Variants in LRRTM4 observed in about 807,000 individuals in gnomAD.
LRRTM4 encodes the protein leucine-rich repeat transmembrane neuronal protein 4.
In LRRTM4, 25 loss-of-function variants were observed where a neutral mutation model predicts 47.6. The observed-to-expected ratio is 0.53, with a 90% CI of 0.38 to 0.73. LRRTM4 has a LOEUF of 0.73. LRRTM4 is among the 30% of genes least tolerant of loss of function. The pLI, the probability that LRRTM4 is intolerant of heterozygous loss-of-function variation, is 0.00. For synonymous variants in LRRTM4, 311 were observed against 269.5 expected (o/e 1.15, Z -1.51); for missense variants, 638 against 713.4 (o/e 0.89, Z 1.20).
chr2:77,503,282 G>C (rs1052666413), intron 3 of LRRTM4, among the ~76,000 whole-genome samples: 1 of 151,628 alleles, frequency 6.6e-6, no homozygotes, highest in Non-Finnish European at 1.5e-5. Context: ...ATTTATTTAG[G>C]AGGTAAAATC....
intron 3 of LRRTM4, among the ~76,000 whole-genome samples, chr2:77,494,654 T>C (rs1678293824): frequency 6.6e-6 from 1 of 152,102 alleles, no homozygotes; most frequent in African/African-American, 2.4e-5. Flanking sequence ...GGAATTATAA[T>C]TGATGTAGAA....
chr2:77,123,227 G>GAGAGAA (rs1238481997), intron 3 of LRRTM4, among the ~76,000 whole-genome samples: 3 of 151,782 alleles, frequency 2.0e-5, no homozygotes, highest in Admixed American at 6.6e-5. Context: ...GAGAGAGAGA[G>GAGAGAA]AGAGAGAGAG....
intron 3 of LRRTM4, among the ~76,000 whole-genome samples, chr2:77,246,881 A>G (rs1370990080): frequency 6.6e-6 from 1 of 152,010 alleles, no homozygotes; most frequent in Non-Finnish European, 1.5e-5. Context: ...TTATTTTTCC[A>G]TTGTTTTATC....
chr2:77,396,288 T>A (rs1673699072), intron 3 of LRRTM4, among the ~76,000 whole-genome samples: 1 of 151,890 alleles, frequency 6.6e-6, no homozygotes, highest in Non-Finnish European at 1.5e-5. Context: ...AAGAAAGTAA[T>A]CTCCACCACC....
intron 3 of LRRTM4, among the ~76,000 whole-genome samples, chr2:77,348,705 G>A (rs1389020989): frequency 1.3e-5 from 2 of 149,766 alleles, no homozygotes; most frequent in Admixed American, 6.7e-5. Context: ...TATTTTAAAT[G>A]AACACAAATA....
At chr2:76,824,949 C>T (rs1469493878) in intron 3 of LRRTM4, among the ~76,000 whole-genome samples, 2 of 151,462 alleles carry the variant, frequency 1.3e-5, no homozygotes, top group Admixed American at 1.3e-4. Flanking sequence ...TCAAATGTAC[C>T]AAATTCTTCC....
intron 3 of LRRTM4, among the ~76,000 whole-genome samples, chr2:77,257,319 A>AC (rs1276330151): frequency 1.3e-5 from 2 of 151,972 alleles, no homozygotes; most frequent in African/African-American, 4.8e-5. Flanking sequence ...CAAAAAAAAA[A>AC]CCCTCTAGAA....
intron 3 of LRRTM4, among the ~76,000 whole-genome samples, chr2:77,339,348 T>A (rs1671284166): frequency 6.6e-6 from 1 of 152,084 alleles, no homozygotes; most frequent in African/African-American, 2.4e-5. Context: ...ATACTTTAAA[T>A]ATAATTTATA....
At chr2:76,793,661 G>T (rs2103726609) in intron 3 of LRRTM4, among the ~76,000 whole-genome samples, 1 of 152,176 alleles carries the variant, frequency 6.6e-6, no homozygotes, top group Admixed American at 6.5e-5. Context: ...CACAGGATAT[G>T]GTAGATGAAG....
chr2:77,186,203 C>T (rs1232414741), intron 3 of LRRTM4, among the ~76,000 whole-genome samples: 2 of 152,154 alleles, frequency 1.3e-5, no homozygotes, highest in Non-Finnish European at 2.9e-5. Flanking sequence ...CAAGTCTGTG[C>T]CCCTGAGATG....
At chr2:76,816,052 T>G (rs1326332804) in intron 3 of LRRTM4, among the ~76,000 whole-genome samples, 3 of 152,054 alleles carry the variant, frequency 2.0e-5, no homozygotes, top group African/African-American at 7.2e-5. Context: ...CCTCCCAGAT[T>G]AGCAGATACA....
chr2:77,483,363 G>T (rs757076285), intron 3 of LRRTM4, among the ~76,000 whole-genome samples: 2 of 151,988 alleles, frequency 1.3e-5, no homozygotes, highest in South Asian at 2.1e-4. Flanking sequence ...GGTGGAGGGG[G>T]ACAGTCTCTC....
intron 3 of LRRTM4, among the ~76,000 whole-genome samples, chr2:76,935,332 C>T (rs1229450449): frequency 1.3e-5 from 2 of 152,014 alleles, no homozygotes; most frequent in African/African-American, 2.4e-5. Context: ...CTTGGCTATG[C>T]GGGCTCTTTT....
chr2:77,470,904 C>T (rs1472684523), intron 3 of LRRTM4, among the ~76,000 whole-genome samples: 2 of 152,018 alleles, frequency 1.3e-5, no homozygotes, highest in African/African-American at 2.4e-5. Flanking sequence ...AGACTTAAGA[C>T]CACAAGTCAT....
chr2:76,750,307 C>T (rs1466570577), intron 3 of LRRTM4, among the ~76,000 whole-genome samples: 2 of 152,192 alleles, frequency 1.3e-5, no homozygotes, highest in Non-Finnish European at 2.9e-5. Flanking sequence ...TGAGGTTCAT[C>T]ACCACAAAGC....
intron 3 of LRRTM4, among the ~76,000 whole-genome samples, chr2:77,349,445 C>T (rs1036833476): frequency 1.7e-4 from 26 of 151,784 alleles, no homozygotes; most frequent in Middle Eastern, 3.6e-3. Context: ...AAGATTTAAA[C>T]AAATGGGAAG....
chr2:76,788,419 C>CTCAA (rs1674793582), intron 3 of LRRTM4, among the ~76,000 whole-genome samples: 1 of 152,112 alleles, frequency 6.6e-6, no homozygotes, highest in South Asian at 2.1e-4. Flanking sequence ...CTTTCTTTTA[C>CTCAA]TCAATCAGAA....
intron 3 of LRRTM4, among the ~76,000 whole-genome samples, chr2:77,070,976 T>C (rs1680136187): frequency 6.6e-6 from 1 of 152,190 alleles, no homozygotes; most frequent in South Asian, 2.1e-4. Context: ...TTCAGAATAT[T>C]GACATTTGAA....
At chr2:77,064,024 T>G (rs1679875753) in intron 3 of LRRTM4, among the ~76,000 whole-genome samples, 1 of 152,202 alleles carries the variant, frequency 6.6e-6, no homozygotes, top group Non-Finnish European at 1.5e-5. Context: ...GTCTATATAC[T>G]TACAGCTTGA....
Sources: gnomAD v4.1 joint callset for allele counts (sites outside exome capture counted in the v4.1 genomes callset) on GRCh38, gnomAD v4.1.1 for gene constraint, MANE v1.5 for transcripts, NCBI Gene and HGNC (gene_info 2026-07-23, HGNC 2026-07-21) for gene names.